The following CSGALNACT1 variants were observed in gnomAD, a reference collection of about 807,000 sequenced individuals.
CSGALNACT1 encodes chondroitin sulfate N-acetylgalactosaminyltransferase 1.
CSGALNACT1 carries 52 observed loss-of-function variants against 51.0 expected under a neutral mutation model. That is an observed-to-expected ratio of 1.02 (90% CI 0.82 to 1.29). The LOEUF is 1.29. Ranked by LOEUF, CSGALNACT1 falls within the 50% of genes most tolerant of loss-of-function variation. The probability of loss-of-function intolerance (pLI) is 0.00; values close to 1 mark genes in which losing one functional copy is unlikely to be tolerated. For missense variants in CSGALNACT1, 935 were observed against 679.2 expected, an observed-to-expected ratio of 1.38 and a Z score of -4.19; for synonymous variants, 341 against 254.4, an observed-to-expected ratio of 1.34 and a Z score of -3.24.
chr8:19,617,897 A>G (rs2053254008), intron 1 of CSGALNACT1, among the ~76,000 whole-genome samples: 1 of 152,098 alleles, frequency 6.6e-6, no homozygotes, highest in African/African-American at 2.4e-5. Context: ...TTTATTTTTT[A>G]GAGACAGATT....
intron 3 of CSGALNACT1, among the ~76,000 whole-genome samples, chr8:19,565,439 T>A (rs989362483): frequency 1.3e-5 from 2 of 152,234 alleles, no homozygotes; most frequent in African/African-American, 4.8e-5. Flanking sequence ...TTAAATCTCT[T>A]GACCTATATT....
chr8:19,651,414 C>T (rs1338420988), intron 1 of CSGALNACT1, among the ~76,000 whole-genome samples: 2 of 152,072 alleles, frequency 1.3e-5, no homozygotes, highest in Non-Finnish European at 2.9e-5. Flanking sequence ...CATCTTCCAC[C>T]CATCATCCAC....
At chr8:19,685,021 A>T (rs1184505365), upstream of CSGALNACT1, among the ~76,000 whole-genome samples, 1 of 152,192 alleles carries the variant, frequency 6.6e-6, no homozygotes. Context: ...AGTTCACATT[A>T]AATAACTATA....
At chr8:19,731,751 G>C (rs1277738054) in intron 1 of CSGALNACT1, among the ~76,000 whole-genome samples, 1 of 152,130 alleles carries the variant, frequency 6.6e-6, no homozygotes, top group Admixed American at 6.5e-5. Context: ...TACCACAATA[G>C]AAAATAATTC....
At chr8:19,575,640 A>G (rs1183875029) in intron 3 of CSGALNACT1, among the ~76,000 whole-genome samples, 1 of 152,240 alleles carries the variant, frequency 6.6e-6, no homozygotes, top group Non-Finnish European at 1.5e-5. Context: ...GTATTCTAGG[A>G]TACTGAGAAA....
chr8:19,593,945 G>A (rs1451799910), intron 2 of CSGALNACT1, among the ~76,000 whole-genome samples: 1 of 152,156 alleles, frequency 6.6e-6, no homozygotes, highest in Non-Finnish European at 1.5e-5. Flanking sequence ...CTTCAGGATG[G>A]AAGGAGAAGG....
intron 1 of CSGALNACT1, among the ~76,000 whole-genome samples, chr8:19,721,262 C>T (rs2063114300): frequency 1.3e-5 from 2 of 152,174 alleles, no homozygotes; most frequent in African/African-American, 4.8e-5. Flanking sequence ...TGAAACTGAT[C>T]TCCAGGCCCA....
intron 3 of CSGALNACT1, among the ~76,000 whole-genome samples, chr8:19,542,554 G>C (rs1421986340): frequency 6.6e-6 from 1 of 152,068 alleles, no homozygotes; most frequent in African/African-American, 2.4e-5. Context: ...GTGACACCCT[G>C]AGAAATCCTA....
chr8:19,729,717 C>A (rs538185804), intron 1 of CSGALNACT1, among the ~76,000 whole-genome samples: 2 of 152,164 alleles, frequency 1.3e-5, no homozygotes, highest in African/African-American at 4.8e-5. Context: ...GAACATGCTA[C>A]GAATGCCACA....
At chr8:19,407,911 G>GTGCATGTGGACATTTGTGTATATGAAT (rs2054645209) in intron 9 of CSGALNACT1, among the ~76,000 whole-genome samples, 1 of 58,426 alleles carries the variant, frequency 1.7e-5, no homozygotes, top group African/African-American at 6.0e-5. Context: ...TGAATTGTGT[G>GTGCATGTGGACATTTGTGTATATGAAT]TGTGTGTGTG....
At chr8:19,570,040 C>T (rs982030728) in intron 3 of CSGALNACT1, among the ~76,000 whole-genome samples, 11 of 151,454 alleles carry the variant, frequency 7.3e-5, no homozygotes, top group Non-Finnish European at 1.6e-4. Context: ...CAAATAGTGG[C>T]ACGCTTTGGG....
At chr8:19,523,599 T>A (rs1431520490) in intron 3 of CSGALNACT1, among the ~76,000 whole-genome samples, 3 of 152,166 alleles carry the variant, frequency 2.0e-5, no homozygotes, top group African/African-American at 7.2e-5. Flanking sequence ...CCAGGCTACA[T>A]TGTACTATTA....
intron 1 of CSGALNACT1, among the ~76,000 whole-genome samples, chr8:19,694,946 G>A (rs1552782): frequency 0.75 from 114,225 of 152,114 alleles, 43,015 homozygotes; most frequent in East Asian, 0.85. Flanking sequence ...TCTGCAAAAC[G>A]GCCCAGACCC....
At chr8:19,743,405 G>C (rs2064438988) in intron 1 of CSGALNACT1, among the ~76,000 whole-genome samples, 1 of 152,080 alleles carries the variant, frequency 6.6e-6, no homozygotes. Context: ...TCTCAAGAAA[G>C]GACCATATTC....
At chr8:19,672,399 G>A (rs1467732408) in intron 1 of CSGALNACT1, among the ~76,000 whole-genome samples, 2 of 152,186 alleles carry the variant, frequency 1.3e-5, no homozygotes, top group Non-Finnish European at 2.9e-5. Flanking sequence ...CCAGGGAGAT[G>A]CCTGGCAATG....
chr8:19,729,718 G>A (rs2063585559), intron 1 of CSGALNACT1, among the ~76,000 whole-genome samples: 1 of 152,140 alleles, frequency 6.6e-6, no homozygotes, highest in Admixed American at 6.5e-5. Context: ...AACATGCTAC[G>A]AATGCCACAA....
intron 1 of CSGALNACT1, among the ~76,000 whole-genome samples, chr8:19,654,907 T>C (rs1334822771): frequency 6.6e-6 from 1 of 151,924 alleles, no homozygotes; most frequent in Non-Finnish European, 1.5e-5. Context: ...AAAATATTAG[T>C]AATCAAGATT....
chr8:19,474,962 G>A (rs2069158661), intron 4 of CSGALNACT1, among the ~76,000 whole-genome samples: 1 of 151,780 alleles, frequency 6.6e-6, no homozygotes, highest in South Asian at 2.1e-4. Context: ...CATAGACCTT[G>A]CTATGGAAAG....
chr8:19,567,483 A>C (rs1258557406), intron 3 of CSGALNACT1, among the ~76,000 whole-genome samples: 54 of 152,222 alleles, frequency 3.5e-4, no homozygotes, highest in Non-Finnish European at 8.8e-5. Context: ...CTACTTCCTT[A>C]ATCTGATGAA....
Sources: allele counts gnomAD v4.1 joint callset (sites outside exome capture counted in the v4.1 genomes callset), GRCh38; gene constraint gnomAD v4.1.1; transcripts MANE v1.5; gene names NCBI Gene and HGNC (gene_info 2026-07-23, HGNC 2026-07-21).